DSCAML1: variants seen among roughly 807,000 people sequenced by gnomAD.
The protein encoded by DSCAML1 is cell adhesion molecule DSCAML1.
A neutral mutation model predicts 200.5 loss-of-function variants in DSCAML1; 38 were observed. The observed-to-expected ratio is 0.19, with a 90% CI of 0.15 to 0.25. The LOEUF is 0.25. Among genes scored for constraint, DSCAML1 ranks in the 10% least tolerant of loss-of-function variants. DSCAML1 has a pLI of 1.00. For missense variants in DSCAML1, 2,223 were observed against 2,858.8 expected, an observed-to-expected ratio of 0.78 and a Z score of 5.07; for synonymous variants, 1,215 against 1,165.0, an observed-to-expected ratio of 1.04 and a Z score of -0.87.
chr11:117,659,559 G>A (rs2052800916), intron 3 of DSCAML1, among the ~76,000 whole-genome samples: 2 of 152,174 alleles, frequency 1.3e-5, no homozygotes, highest in Non-Finnish European at 2.9e-5. Context: ...TCTTATTGAG[G>A]TCCAAAGGGC....
intron 3 of DSCAML1, among the ~76,000 whole-genome samples, chr11:117,761,559 AT>A (rs959999062): frequency 1.5e-3 from 233 of 151,822 alleles, no homozygotes; most frequent in African/African-American, 5.1e-3. Context: ...TCTGTGCTTC[AT>A]TTTTTTTCAT....
At chr11:117,594,286 T>C (rs1374155256) in intron 3 of DSCAML1, among the ~76,000 whole-genome samples, 1 of 152,218 alleles carries the variant, frequency 6.6e-6, no homozygotes, top group Admixed American at 6.5e-5. Context: ...GGCACATACC[T>C]GTGGGTCTAT....
At chr11:117,499,073 C>T (rs930989780) in intron 11 of DSCAML1, among the ~76,000 whole-genome samples, 9 of 152,152 alleles carry the variant, frequency 5.9e-5, no homozygotes, top group African/African-American at 2.2e-4. Context: ...CCTTCTTATG[C>T]CTGGGACTAG....
At chr11:117,600,387 C>T (rs1218623746) in intron 3 of DSCAML1, among the ~76,000 whole-genome samples, 1 of 152,256 alleles carries the variant, frequency 6.6e-6, no homozygotes, top group East Asian at 1.9e-4. Flanking sequence ...AAGGGATTTA[C>T]GGTTGTAGAG....
chr11:117,498,481 G>T lies in DSCAML1; in HGVS notation c.2359+5364C>A, dbSNP rs564256139. ...GGGCTCTGAGCAGCCATTTTCTCAG[G>T]CTCATAGACTCCTTGCCCTGTGGAA... is the stretch of plus-strand genomic sequence containing the variant. On this transcript the variant is annotated intron_variant, in intron 11 of 32. Coordinates refer to ENST00000651296, the MANE Select transcript of DSCAML1 (RefSeq NM_020693.4). This position sits in a 1 kb window ranked among gnomAD's most constrained non-coding sequence, Gnocchi z 4.0. 2.0e-5 allele frequency among the ~76,000 whole-genome samples: 3 copies of T among 152,258 alleles called. No homozygotes were observed. The highest frequency in any genetic ancestry group is 7.2e-5 in the African/African-American group (3 of 41,550).
chr11:117,431,795 T>C (rs1165857193), intron 30 of DSCAML1, 67 bp from the exon 31 acceptor site: 3 of 1,454,178 alleles, frequency 2.1e-6, no homozygotes, highest in East Asian at 4.8e-5. Flanking sequence ...CAGCTGGCAC[T>C]TACCAGAAAG....
chr11:117,727,736 C>G (rs920580218), intron 3 of DSCAML1, among the ~76,000 whole-genome samples: 1 of 152,130 alleles, frequency 6.6e-6, no homozygotes, highest in Non-Finnish European at 1.5e-5. Context: ...AAGTTATAGG[C>G]CAAGAATGGG....
rs533948278 is a variant in DSCAML1, at chr11:117,675,470, ATTTTTT to A, written c.511+101315_511+101320del. On this transcript the variant is annotated intron_variant, in intron 3 of 32. Transcript: ENST00000651296. The stretch of plus-strand genomic sequence containing the variant: ...GTGCCCCTATGCCTGGCTGATTGAA[ATTTTTT>A]TTTTTTTTTTTTTTTTTTTTTTTAG... Among the ~76,000 whole-genome samples the A allele has an allele frequency of 6.2e-5, 6 of 96,926 alleles. No individual in the cohort carries two copies. The East Asian group carries it at 1.0e-3, about 16-fold the overall frequency. 63.6% of individuals were successfully genotyped at this position (96,926 alleles called of 152,430 possible). A position where few individuals can be genotyped will look rare whatever the true frequency, so the allele number is the denominator to read the frequency against.
At chr11:117,435,468 G>A (rs2047894816) in intron 27 of DSCAML1, among the ~76,000 whole-genome samples, 176 bp downstream of exon 27, 1 of 152,248 alleles carries the variant, frequency 6.6e-6, no homozygotes, top group African/African-American at 2.4e-5. Flanking sequence ...GGAGGAAGTG[G>A]TGAACGAAAC....
intron 3 of DSCAML1, among the ~76,000 whole-genome samples, chr11:117,667,859 C>T (rs866581698): frequency 5.3e-5 from 8 of 152,138 alleles, no homozygotes; most frequent in African/African-American, 1.9e-4. Flanking sequence ...CCGAACACAT[C>T]GAAGGCAGAT....
chr11:117,692,810 C>A (rs373816006), intron 3 of DSCAML1, among the ~76,000 whole-genome samples: 1 of 152,160 alleles, frequency 6.6e-6, no homozygotes, highest in Non-Finnish European at 1.5e-5. Flanking sequence ...TGAAATGACT[C>A]CCCTGCATGG....
intron 3 of DSCAML1, among the ~76,000 whole-genome samples, chr11:117,586,473 A>G (rs1241368233): frequency 6.6e-6 from 1 of 152,240 alleles, no homozygotes; most frequent in Non-Finnish European, 1.5e-5. Context: ...GGTTTAGGAC[A>G]GCCTGTTCTT....
chr11:117,452,140 T>C (rs1223375926), intron 19 of DSCAML1, among the ~76,000 whole-genome samples: 1 of 152,176 alleles, frequency 6.6e-6, no homozygotes, highest in East Asian at 1.9e-4. Context: ...CTGGGGTAAG[T>C]GCACTAATTG....
Position 117,521,318 on chromosome 11 carries a change from G to T in DSCAML1, c.1025C>A (p.Pro342Gln), listed in dbSNP as rs1453031582. Residue 342 changes from proline (P) to glutamine (Q), a missense_variant, in exon 6 of 33, where the codon CCA becomes CAA. Around this residue, in one of 7 missense-constraint regions of DSCAML1, gnomAD observed 579 missense variants for 721.5 expected, o/e 0.80. Transcript: ENST00000651296. ...GCGATACCAGCGGATGGTGAACTCT[G>T]GGGAGCCCGTCAGGGCACAGGAGAG... The part of the protein sequence containing the change: ...VILSCALTGS[P>Q]EFTIRWYRNT... 2 of 1,614,174 alleles carry T rather than the reference G, an allele frequency of 1.2e-6. No individual in the cohort carries two copies. Among genetic ancestry groups the T allele is most frequent in the South Asian group, 2.2e-5 (2 of 91,090 alleles).
chr11:117,757,422 C>A (rs182490208), intron 3 of DSCAML1, among the ~76,000 whole-genome samples: 1 of 152,164 alleles, frequency 6.6e-6, no homozygotes, highest in East Asian at 1.9e-4. Context: ...CTGGATATCC[C>A]AAAGACCCTG....
chr11:117,429,055 G>A (rs879492416), intron 32 of DSCAML1, among the ~76,000 whole-genome samples: 28 of 152,216 alleles, frequency 1.8e-4, no homozygotes, highest in Admixed American at 4.6e-4. Context: ...AGGTGAGGGA[G>A]GTAAAGTGCT....
intron 20 of DSCAML1, among the ~76,000 whole-genome samples, chr11:117,447,945 C>A (rs1450015170): frequency 6.6e-6 from 1 of 152,202 alleles, no homozygotes; most frequent in Non-Finnish European, 1.5e-5. Flanking sequence ...TGGTTAGGTC[C>A]CCAGGTCCCT....
intron 14 of DSCAML1, among the ~76,000 whole-genome samples, chr11:117,474,936 T>C (rs1173487292): frequency 1.3e-5 from 2 of 152,146 alleles, no homozygotes; most frequent in Non-Finnish European, 2.9e-5. Flanking sequence ...TTTGTATTTT[T>C]AGTAGAGATG....
chr11:117,802,171 C>T (rs1034686812), upstream of DSCAML1: 2 of 152,258 alleles, frequency 1.3e-5, no homozygotes, highest in Non-Finnish European at 2.9e-5. Context: ...GTGTCTTCTA[C>T]ACTGGAAAAC....
Sources: allele counts gnomAD v4.1 joint callset (sites outside exome capture counted in the v4.1 genomes callset), GRCh38; gene constraint gnomAD v4.1.1; regional missense constraint gnomAD v4.1.1; non-coding constraint Gnocchi (gnomAD v3.1); transcripts MANE v1.5; gene names NCBI Gene and HGNC (gene_info 2026-07-23, HGNC 2026-07-21).